Variants in TTC28 observed in about 807,000 individuals in gnomAD.
TTC28 encodes the protein tetratricopeptide repeat domain 28.
Under a neutral mutation model 198.0 loss-of-function variants are expected in TTC28, and 61 were observed. The ratio of observed to expected loss-of-function variants is 0.31; its 90% CI spans 0.25 to 0.38. The LOEUF is 0.38. Among genes scored for constraint, TTC28 ranks in the 10% least tolerant of loss-of-function variants. TTC28 has a pLI of 1.00. For missense variants in TTC28, 2,678 were observed against 3,164.0 expected (o/e 0.85, Z 3.69); for synonymous variants, 1,171 against 1,297.8 (o/e 0.90, Z 2.10).
chr22:28,271,001 A>C (rs1932029074), intron 5 of TTC28, among the ~76,000 whole-genome samples: 1 of 152,242 alleles, frequency 6.6e-6, no homozygotes. Context: ...AAATACGTTT[A>C]TCTCTTTTTT....
At chr22:28,497,678 A>G (rs957418158) in intron 2 of TTC28, among the ~76,000 whole-genome samples, 2 of 152,206 alleles carry the variant, frequency 1.3e-5, no homozygotes, top group African/African-American at 2.4e-5. Context: ...TCGGAAATAC[A>G]TATGTAGGTG....
chr22:28,599,668 G>T (rs1291025862), intron 2 of TTC28, among the ~76,000 whole-genome samples: 1 of 152,014 alleles, frequency 6.6e-6, no homozygotes, highest in East Asian at 1.9e-4. Context: ...GTCCATGAGG[G>T]GTCCAAATAA....
chr22:28,078,749 T>G (rs1941244319), intron 12 of TTC28, among the ~76,000 whole-genome samples: 1 of 152,164 alleles, frequency 6.6e-6, no homozygotes, highest in Admixed American at 6.5e-5. Flanking sequence ...TTCTTAAGCA[T>G]CTACTATGTT....
intron 1 of TTC28, among the ~76,000 whole-genome samples, chr22:28,675,526 T>TG (rs1158561175): frequency 6.6e-6 from 1 of 151,860 alleles, no homozygotes. Context: ...CAGAGGCTGG[T>TG]GGACCACTTG....
intron 1 of TTC28, among the ~76,000 whole-genome samples, chr22:28,637,767 A>AT (rs2051299839): frequency 6.6e-6 from 1 of 151,968 alleles, no homozygotes; most frequent in Non-Finnish European, 1.5e-5. Flanking sequence ...AAAAAAAAAA[A>AT]CAGGACCCAA....
intron 5 of TTC28, among the ~76,000 whole-genome samples, chr22:28,183,665 T>C (rs1399862339): frequency 1.3e-5 from 2 of 152,206 alleles, no homozygotes; most frequent in Non-Finnish European, 2.9e-5. Context: ...TCCTGTTCTT[T>C]GACACATTCG....
At chr22:28,392,089 G>T (rs1296408118) in intron 2 of TTC28, among the ~76,000 whole-genome samples, 5 of 152,188 alleles carry the variant, frequency 3.3e-5, no homozygotes, top group African/African-American at 1.2e-4. Flanking sequence ...AGGTCTGTTG[G>T]AGTACCTGGC....
At chr22:28,344,040 A>G (rs2045871964) in intron 2 of TTC28, among the ~76,000 whole-genome samples, 1 of 152,092 alleles carries the variant, frequency 6.6e-6, no homozygotes, top group Non-Finnish European at 1.5e-5. Context: ...ACTATTTCTA[A>G]AAAGTCTCAT....
chr22:27,980,080 A>G lies in TTC28; in HGVS notation c.*2141T>C, dbSNP rs1380228326. On this transcript the variant is annotated 3_prime_UTR_variant, in exon 23 of 23. Transcript: ENST00000397906. ...CGCAGCCTTCCCCTCACAGAAAGAG[A>G]GCACAGACCCCAGAGCTTTACTCCA... 1 of 152,224 alleles carries G rather than the reference A, an allele frequency of 6.6e-6. No homozygotes were observed. The highest frequency in any genetic ancestry group is 1.9e-4 in the East Asian group (1 of 5,188). The allele number at this position is 152,224 out of a possible 1,614,324, so 9.4% of individuals were successfully genotyped here. A position where few individuals can be genotyped will look rare whatever the true frequency, so the allele number is the denominator to read the frequency against.
At chr22:28,122,124 T>C (rs1044801510) in intron 6 of TTC28, among the ~76,000 whole-genome samples, 1 of 152,122 alleles carries the variant, frequency 6.6e-6, no homozygotes, top group Non-Finnish European at 1.5e-5. Context: ...ATCCTTGACC[T>C]CCCAAAGTGA....
intron 2 of TTC28, among the ~76,000 whole-genome samples, chr22:28,530,406 T>C (rs2049107302): frequency 6.6e-6 from 1 of 152,122 alleles, no homozygotes; most frequent in African/African-American, 2.4e-5. Context: ...AATATGGGAC[T>C]ATGTGAAAAG....
chr22:28,075,437 T>C (rs1419014990), intron 12 of TTC28, among the ~76,000 whole-genome samples: 2 of 152,048 alleles, frequency 1.3e-5, no homozygotes, highest in African/African-American at 2.4e-5. Flanking sequence ...CTTCACAGAT[T>C]AGGCTATGTC....
At chr22:28,141,005 C>T (rs940214612) in intron 6 of TTC28, among the ~76,000 whole-genome samples, 1 of 150,748 alleles carries the variant, frequency 6.6e-6, no homozygotes, top group African/African-American at 2.4e-5. Flanking sequence ...ATATCAAATA[C>T]ATTAATACAA....
At chr22:28,590,345 G>A (rs2050405669) in intron 2 of TTC28, among the ~76,000 whole-genome samples, 1 of 151,756 alleles carries the variant, frequency 6.6e-6, no homozygotes, top group Non-Finnish European at 1.5e-5. Flanking sequence ...TAGCCAGGAT[G>A]GTCTCAATCT....
chr22:28,318,161 C>A, intron 2 of TTC28, among the ~76,000 whole-genome samples: 1 of 151,504 alleles, frequency 6.6e-6, no homozygotes. Context: ...CCTCCTGCCT[C>A]GGCCTCCCAC....
chr22:28,322,972 A>G (rs2045470624), intron 2 of TTC28, among the ~76,000 whole-genome samples: 1 of 152,146 alleles, frequency 6.6e-6, no homozygotes, highest in African/African-American at 2.4e-5. Context: ...GCCCTCTCTT[A>G]TAAGGACCTA....
chr22:28,181,083 G>C (rs1354499459), intron 5 of TTC28, among the ~76,000 whole-genome samples: 3 of 152,172 alleles, frequency 2.0e-5, no homozygotes, highest in Non-Finnish European at 2.9e-5. Flanking sequence ...GATAGTTACA[G>C]CTTCTCCATG....
At chr22:28,209,993 G>A (rs560159539) in intron 5 of TTC28, among the ~76,000 whole-genome samples, 6 of 152,228 alleles carry the variant, frequency 3.9e-5, no homozygotes, top group East Asian at 1.9e-4. Flanking sequence ...TTTGCTGTTC[G>A]GCAGCCTCCA....
At chr22:28,398,369 AAG>A (rs2046849792) in intron 2 of TTC28, among the ~76,000 whole-genome samples, 1 of 152,216 alleles carries the variant, frequency 6.6e-6, no homozygotes, top group Non-Finnish European at 1.5e-5. Context: ...GAAGAGGGGA[AAG>A]AGAAACAGAC....
Sources: allele counts gnomAD v4.1 joint callset (sites outside exome capture counted in the v4.1 genomes callset), GRCh38; gene constraint gnomAD v4.1.1; transcripts MANE v1.5; gene names NCBI Gene and HGNC (gene_info 2026-07-23, HGNC 2026-07-21).